The following SNAP23 variants were observed in gnomAD, a reference collection of about 807,000 sequenced individuals.
SNAP23 encodes synaptosomal-associated protein 23.
In SNAP23, 11 loss-of-function variants were observed where a neutral mutation model predicts 29.0. That is an observed-to-expected ratio of 0.38 (90% CI 0.24 to 0.63). SNAP23 has a LOEUF of 0.63. SNAP23 is among the 20% of genes least tolerant of loss of function. The probability of loss-of-function intolerance (pLI) is 0.58; values close to 1 mark genes in which losing one functional copy is unlikely to be tolerated. For synonymous variants in SNAP23, 60 were observed against 82.9 expected, an observed-to-expected ratio of 0.72 and a Z score of 1.50; for missense variants, 220 against 253.9, an observed-to-expected ratio of 0.87 and a Z score of 0.91.
At chr15:42,494,395 C>CTTT (rs775698216), upstream of SNAP23, among the ~76,000 whole-genome samples, 357 of 133,966 alleles carry the variant, frequency 2.7e-3, 3 homozygotes, top group Non-Finnish European at 3.6e-3. Context: ...CCTTGAAGCA[C>CTTT]TTTTTTTTTT....
At chr15:42,507,597 C>T (rs2057325640) in intron 1 of SNAP23, among the ~76,000 whole-genome samples, 1 of 152,074 alleles carries the variant, frequency 6.6e-6, no homozygotes, top group African/African-American at 2.4e-5. Context: ...ATTTTTCATC[C>T]CACCCCACCA....
upstream of SNAP23, chr15:42,495,319 A>C (rs972277658): frequency 2.0e-5 from 3 of 152,212 alleles, no homozygotes; most frequent in Non-Finnish European, 4.4e-5. Context: ...ATTTGTTTAC[A>C]TATCTATATC....
chr15:42,511,740 TA>T, intron 1 of SNAP23, 92 bp from the exon 2 acceptor site: 1 of 611,726 alleles, frequency 1.6e-6, no homozygotes, highest in Non-Finnish European at 2.7e-6. Context: ...GATAAGTTCC[TA>T]AATTCCATAA....
intron 5 of SNAP23, among the ~76,000 whole-genome samples, chr15:42,526,059 A>G (rs1048520345): frequency 6.6e-6 from 1 of 152,100 alleles, no homozygotes; most frequent in Non-Finnish European, 1.5e-5. Context: ...ATAATATCTC[A>G]TTAGTTACTT....
intron 5 of SNAP23, among the ~76,000 whole-genome samples, chr15:42,520,883 A>G (rs950002599): frequency 2.6e-5 from 4 of 152,264 alleles, no homozygotes; most frequent in Non-Finnish European, 5.9e-5. Flanking sequence ...ACAAATTGGC[A>G]TTTCTGGACC....
At chr15:42,499,528 A>T (rs1011249314) in intron 1 of SNAP23, among the ~76,000 whole-genome samples, 5 of 152,118 alleles carry the variant, frequency 3.3e-5, no homozygotes, top group Non-Finnish European at 7.3e-5. Flanking sequence ...TTGTTATTTT[A>T]CTTCATGTTT....
rs1168796519 is a variant in SNAP23 at position 42,532,795 on chromosome 15, AATTT to A, written c.*1321_*1324del. The stretch of plus-strand genomic sequence containing the variant: ...GTAGCTTTAGACTTTAAAAAGTTAG[AATTT>A]ATTCTGTAACTAAAAATTATTTGAA... On this transcript the variant is annotated 3_prime_UTR_variant, in exon 8 of 8. Transcript: ENST00000249647. 6.6e-6 allele frequency: 1 copy of A among 152,656 alleles called. No homozygotes were observed. The highest frequency in any genetic ancestry group is 2.4e-5 in the African/African-American group (1 of 41,460). 9.5% of individuals were successfully genotyped at this position (152,656 alleles called of 1,614,324 possible).
At chr15:42,518,652 C>A (rs149330741) in intron 5 of SNAP23, among the ~76,000 whole-genome samples, 3 of 152,180 alleles carry the variant, frequency 2.0e-5, no homozygotes, top group African/African-American at 7.2e-5. Flanking sequence ...CCCTTGGGCT[C>A]AGGCAGTCTA....
At chr15:42,530,166 G>A (rs1174897033) in intron 7 of SNAP23, among the ~76,000 whole-genome samples, 5 of 151,960 alleles carry the variant, frequency 3.3e-5, no homozygotes, top group Admixed American at 6.6e-5. Flanking sequence ...TTGCTCTGTC[G>A]CCTAGGGTAG....
chr15:42,522,021 G>T (rs951007845), intron 5 of SNAP23: 2 of 177,764 alleles, frequency 1.1e-5, no homozygotes, highest in African/African-American at 4.7e-5. Flanking sequence ...AAAGGTAAGG[G>T]AAGTCATGCT....
At chr15:42,520,045 CTTTTTT>C (rs201577060) in intron 5 of SNAP23, among the ~76,000 whole-genome samples, 2 of 92,980 alleles carry the variant, frequency 2.2e-5, no homozygotes, top group African/African-American at 4.9e-5. Flanking sequence ...AACCCCCTTG[CTTTTTT>C]TTTTTTTTTT....
intron 1 of SNAP23, among the ~76,000 whole-genome samples, chr15:42,497,592 C>G (rs750479990): frequency 7.9e-5 from 12 of 152,204 alleles, no homozygotes; most frequent in Non-Finnish European, 1.6e-4. Context: ...ATCCACCCAC[C>G]TCATCTTCCC....
chr15:42,509,533 AG>A (rs1392454820), intron 1 of SNAP23, among the ~76,000 whole-genome samples: 1 of 146,188 alleles, frequency 6.8e-6, no homozygotes, highest in African/African-American at 2.6e-5. Context: ...TCTGCCTCCC[AG>A]GTTCAAGCAA....
chr15:42,515,104 T>C (rs1422639460), intron 4 of SNAP23, 133 bp from the exon 5 acceptor site: 2 of 634,504 alleles, frequency 3.2e-6, no homozygotes, highest in African/African-American at 3.7e-5. Context: ...CTAATACCTT[T>C]TGACACTGAC....
intron 5 of SNAP23, among the ~76,000 whole-genome samples, chr15:42,525,333 A>G (rs1002524571): frequency 4.3e-5 from 6 of 140,726 alleles, no homozygotes; most frequent in African/African-American, 1.4e-4. Context: ...GTGCCACTGC[A>G]CTCCAGCCTG....
intron 5 of SNAP23, among the ~76,000 whole-genome samples, chr15:42,525,866 A>G (rs1261360021): frequency 6.6e-6 from 1 of 152,148 alleles, no homozygotes; most frequent in African/African-American, 2.4e-5. Context: ...TTTTTAAACA[A>G]TTCATTTGCA....
At chr15:42,528,735 G>A (rs1335264592) in intron 6 of SNAP23, among the ~76,000 whole-genome samples, 1 of 151,986 alleles carries the variant, frequency 6.6e-6, no homozygotes, top group Non-Finnish European at 1.5e-5. Context: ...ACAGGTGTGC[G>A]CCACCACGCC....
intron 5 of SNAP23, among the ~76,000 whole-genome samples, chr15:42,525,420 A>G (rs2057492237): frequency 7.3e-6 from 1 of 136,646 alleles, no homozygotes; most frequent in Non-Finnish European, 1.6e-5. Flanking sequence ...TCCCCTTGTT[A>G]CAGAAAGAAC....
chr15:42,499,557 AC>A (rs2057251417), intron 1 of SNAP23, among the ~76,000 whole-genome samples: 1 of 152,210 alleles, frequency 6.6e-6, no homozygotes, highest in Non-Finnish European at 1.5e-5. Flanking sequence ...TTTTAAAAAA[AC>A]ATTGCCCACT....
Sources: allele counts gnomAD v4.1 joint callset (sites outside exome capture counted in the v4.1 genomes callset), GRCh38; gene constraint gnomAD v4.1.1; transcripts MANE v1.5; gene names NCBI Gene and HGNC (gene_info 2026-07-23, HGNC 2026-07-21).